UIMC1: variants seen among roughly 807,000 people sequenced by gnomAD.
UIMC1 encodes the protein BRCA1-A complex subunit RAP80.
A neutral mutation model predicts 84.9 loss-of-function variants in UIMC1; 42 were observed. That is an observed-to-expected ratio of 0.49 (90% CI 0.39 to 0.64). UIMC1 has a LOEUF of 0.64. Ranked by LOEUF, UIMC1 falls within the 30% of genes least tolerant of loss-of-function variation. The probability of loss-of-function intolerance (pLI) is 0.00; values close to 1 mark genes in which losing one functional copy is unlikely to be tolerated. For synonymous variants in UIMC1, 281 were observed against 293.0 expected, an observed-to-expected ratio of 0.96 and a Z score of 0.42; for missense variants, 825 against 847.6, an observed-to-expected ratio of 0.97 and a Z score of 0.33.
chr5:176,948,998 T>TC (rs1441624057), intron 9 of UIMC1, among the ~76,000 whole-genome samples: 3 of 139,826 alleles, frequency 2.1e-5, no homozygotes, highest in African/African-American at 7.9e-5. Flanking sequence ...TGGAAACTTT[T>TC]TTTTAAAATA....
At chr5:176,991,417 G>A (rs947455978) in intron 1 of UIMC1, among the ~76,000 whole-genome samples, 4 of 151,984 alleles carry the variant, frequency 2.6e-5, no homozygotes, top group African/African-American at 9.7e-5. Context: ...AAAGACAACT[G>A]AGGGGAAAGA....
At chr5:176,975,658 C>T (rs1052829490) in intron 2 of UIMC1, among the ~76,000 whole-genome samples, 178 bp from the exon 3 acceptor site, 3 of 152,008 alleles carry the variant, frequency 2.0e-5, no homozygotes, top group African/African-American at 7.3e-5. Flanking sequence ...AGATCTAGAA[C>T]CAATAAAAAC....
intron 10 of UIMC1, 46 bp downstream of exon 10, chr5:176,943,289 C>T: frequency 6.3e-7 from 1 of 1,595,962 alleles, no homozygotes; most frequent in Non-Finnish European, 8.5e-7. Flanking sequence ...ATTATAAAAC[C>T]ACCACACAAA....
At chr5:177,004,442 A>ATTT (rs933551383) in intron 1 of UIMC1, among the ~76,000 whole-genome samples, 1 of 151,472 alleles carries the variant, frequency 6.6e-6, no homozygotes, top group Non-Finnish European at 1.5e-5. Flanking sequence ...TTCAACTACT[A>ATTT]TTTTTTTTTA....
intron 10 of UIMC1, among the ~76,000 whole-genome samples, chr5:176,925,487 T>C (rs1561749478): frequency 6.6e-6 from 1 of 152,102 alleles, no homozygotes; most frequent in Non-Finnish European, 1.5e-5. Context: ...TCAAAAGATG[T>C]GAAATCTTAT....
chr5:176,924,663 C>T (rs1762155765), intron 10 of UIMC1, among the ~76,000 whole-genome samples: 1 of 152,050 alleles, frequency 6.6e-6, no homozygotes. Context: ...GTACCATATA[C>T]CTAAATAGAA....
At chr5:176,939,862 T>C (rs1327614628) in intron 10 of UIMC1, among the ~76,000 whole-genome samples, 1 of 152,216 alleles carries the variant, frequency 6.6e-6, no homozygotes, top group African/African-American at 2.4e-5. Context: ...GGTATTCGCA[T>C]CAAAGCTATA....
At chr5:176,957,462 T>C (rs532544169) in intron 7 of UIMC1, among the ~76,000 whole-genome samples, 2 of 152,276 alleles carry the variant, frequency 1.3e-5, no homozygotes, top group Admixed American at 1.3e-4. Context: ...TAAGAAGACT[T>C]AGAAGGTAAG....
At chr5:176,938,795 T>C (rs980013390) in intron 10 of UIMC1, among the ~76,000 whole-genome samples, 3 of 152,202 alleles carry the variant, frequency 2.0e-5, no homozygotes, top group Non-Finnish European at 2.9e-5. Context: ...TTTCTCCCAT[T>C]GTCAGGGACA....
At chr5:177,009,987 G>C (rs539608990), upstream of UIMC1, among the ~76,000 whole-genome samples, 1 of 152,110 alleles carries the variant, frequency 6.6e-6, no homozygotes, top group Admixed American at 6.5e-5. The surrounding 1 kb of genome is among the most constrained non-coding windows in gnomAD (Gnocchi z 4.3). Context: ...GTGAGACTCC[G>C]TCTCAAAAAA....
chr5:176,987,640 G>T (rs1170592962), intron 1 of UIMC1, among the ~76,000 whole-genome samples: 1 of 151,900 alleles, frequency 6.6e-6, no homozygotes, highest in Admixed American at 6.6e-5. Flanking sequence ...GACAGAGTGG[G>T]ACCCTGTCTC....
intron 11 of UIMC1, among the ~76,000 whole-genome samples, chr5:176,910,916 C>T (rs954341693): frequency 6.6e-6 from 1 of 151,846 alleles, no homozygotes; most frequent in African/African-American, 2.4e-5. Context: ...ATGGAGAAAC[C>T]CCGCCTCTAC....
intron 1 of UIMC1, among the ~76,000 whole-genome samples, chr5:176,995,698 C>G (rs1773505135): frequency 6.6e-6 from 1 of 151,668 alleles, no homozygotes; most frequent in Admixed American, 6.6e-5. Flanking sequence ...AAAAAATTAG[C>G]CAGGCATGGT....
intron 10 of UIMC1, among the ~76,000 whole-genome samples, chr5:176,919,442 T>C (rs948234697): frequency 5.9e-5 from 9 of 152,180 alleles, no homozygotes; most frequent in Non-Finnish European, 1.2e-4. Flanking sequence ...GTGCTTGTGG[T>C]ATTATATCTA....
intron 10 of UIMC1, among the ~76,000 whole-genome samples, chr5:176,912,506 C>G (rs1453384048): frequency 7.0e-6 from 1 of 142,662 alleles, no homozygotes; most frequent in Non-Finnish European, 1.5e-5. Flanking sequence ...TAGTCTCACT[C>G]TTCTTGCTCA....
Position 176,943,429 on chromosome 5 carries a change from G to C in UIMC1, c.1503C>G (p.Asn501Lys), listed in dbSNP as rs1055561304. ...GGTCACATAGCGGGCAGGATACCTG[G>C]TTACTGGATGAGAAGGTAGAAATAG... ...EVAISTFSSS[N>K]QVSCPLCDQC... is the part of the protein sequence containing the mutation. Residue 501 changes from asparagine (N) to lysine (K), a missense_variant, in exon 10 of 15, where the codon AAC becomes AAG. By Grantham distance (94) the Asn-to-Lys change is moderately conservative (BLOSUM62 0). Transcript: ENST00000511320. 5.6e-6 allele frequency: 9 copies of C among 1,614,162 alleles called. No homozygotes were observed. The highest frequency in any genetic ancestry group is 5.9e-6 in the Non-Finnish European group (7 of 1,180,024).
At position 176,954,759 on chromosome 5, in the gene UIMC1, A is replaced by G. The variant is rs987147369; in HGVS notation, c.1339+1200T>C. On this transcript the variant is annotated intron_variant, in intron 8 of 14. Transcript: ENST00000511320. ...CAAAACTCTGTCTCAAAAAAAAAAAAAAAAGAAAAAAGCCAACATAGTCCG... is the reference window on the plus strand; with the variant it reads ...CAAAACTCTGTCTCAAAAAAAAAAAGAAAAGAAAAAAGCCAACATAGTCCG... Among the ~76,000 whole-genome samples, 6 of 151,462 alleles carry G rather than the reference A, an allele frequency of 4.0e-5. No individual in the cohort carries two copies. In the South Asian group the frequency reaches 6.2e-4, roughly 16 times the overall value.
At chr5:176,964,828 G>T (rs1206177722) in intron 6 of UIMC1, among the ~76,000 whole-genome samples, 1 of 152,092 alleles carries the variant, frequency 6.6e-6, no homozygotes, top group African/African-American at 2.4e-5. Context: ...TTAGCAGTGG[G>T]CTTACAGCCA....
chr5:176,968,801 T>G lies in UIMC1; in HGVS notation c.954A>C (p.Lys318Asn). The G allele has an allele frequency of 6.2e-7, 1 of 1,614,200 alleles. No individual in the cohort carries two copies. The highest frequency in any genetic ancestry group is 8.5e-7 in the Non-Finnish European group (1 of 1,180,036). The change falls in exon 6 of 15, where the codon AAA becomes AAC. Residue 318 changes from lysine (K) to asparagine (N), a missense_variant. Physicochemically the swap from Lys to Asn is moderately conservative, Grantham distance 94. Transcript: ENST00000511320. ...TAGGTAACACTGGTTCCCCAAAACC[T>G]TTTTTATTAAGGAGCTGCCTCTGAG... ...KMAQRQLLNK[K>N]GFGEPVLPRP...
Sources: allele counts gnomAD v4.1 joint callset (sites outside exome capture counted in the v4.1 genomes callset), GRCh38; gene constraint gnomAD v4.1.1; non-coding constraint Gnocchi (gnomAD v3.1); transcripts MANE v1.5; gene names NCBI Gene and HGNC (gene_info 2026-07-23, HGNC 2026-07-21).